The following WWTR1 variants were observed in gnomAD, a reference collection of about 807,000 sequenced individuals.
WWTR1 encodes WW domain-containing transcription regulator protein 1.
WWTR1 carries 13 observed loss-of-function variants against 40.1 expected under a neutral mutation model. The ratio of observed to expected loss-of-function variants is 0.32; its 90% CI spans 0.21 to 0.52. WWTR1 has a LOEUF of 0.52. WWTR1 is among the 20% of genes least tolerant of loss of function. WWTR1 has a pLI of 0.97. For missense variants in WWTR1, 436 were observed against 523.1 expected (o/e 0.83, Z 1.63); for synonymous variants, 230 against 210.1 (o/e 1.09, Z -0.82).
At chr3:149,600,256 C>A (rs1739184073) in intron 2 of WWTR1, among the ~76,000 whole-genome samples, 1 of 152,154 alleles carries the variant, frequency 6.6e-6, no homozygotes, top group African/African-American at 2.4e-5. Context: ...ATAATCTCTT[C>A]AAGTAATGCC....
chr3:149,651,698 A>G (rs1712874670), intron 2 of WWTR1, among the ~76,000 whole-genome samples: 3 of 152,308 alleles, frequency 2.0e-5, no homozygotes, highest in South Asian at 4.1e-4. Flanking sequence ...GGGGCTAGAT[A>G]TCTCATCCTT....
At chr3:149,654,402 C>G (rs1456978793) in intron 2 of WWTR1, among the ~76,000 whole-genome samples, 2 of 152,224 alleles carry the variant, frequency 1.3e-5, no homozygotes, top group Non-Finnish European at 2.9e-5. Context: ...TTCTTAACCT[C>G]TCTTAGTCAC....
At chr3:149,533,735 A>G (rs1211114808) in intron 4 of WWTR1, among the ~76,000 whole-genome samples, 1 of 152,146 alleles carries the variant, frequency 6.6e-6, no homozygotes, top group African/African-American at 2.4e-5. Flanking sequence ...TAAATTCTTA[A>G]CCTTTCTTGA....
intron 2 of WWTR1, among the ~76,000 whole-genome samples, chr3:149,602,158 C>T (rs1418000085): frequency 6.6e-6 from 1 of 152,090 alleles, no homozygotes; most frequent in Non-Finnish European, 1.5e-5. Context: ...AATAAATTTT[C>T]CCCCACAGGA....
At chr3:149,597,376 G>A (rs1216890472) in intron 2 of WWTR1, among the ~76,000 whole-genome samples, 7 of 139,966 alleles carry the variant, frequency 5.0e-5, no homozygotes, top group African/African-American at 1.9e-4. Flanking sequence ...ATGGGTGATA[G>A]ATTGAGCCTA....
At chr3:149,531,567 C>T (rs932199374) in intron 4 of WWTR1, among the ~76,000 whole-genome samples, 1 of 152,000 alleles carries the variant, frequency 6.6e-6, no homozygotes, top group Non-Finnish European at 1.5e-5. Context: ...CCTCCTGCAC[C>T]TGCGCCAACT....
rs377416206 is a variant in WWTR1 at position 149,520,797 on chromosome 3, G to A, written c.*8C>T. The A allele has an allele frequency of 1.9e-6, 3 of 1,565,582 alleles. No individual in the cohort carries two copies. Among genetic ancestry groups the A allele is most frequent in the South Asian group, 1.2e-5 (1 of 82,244 alleles). ...GTCATGGCTACATCCAAGTTACAAT[G>A]GTAGTGATTACAGCCAGGTTAGAAA... On this transcript the variant is annotated 3_prime_UTR_variant, in exon 7 of 7. Coordinates refer to ENST00000360632, the MANE Select transcript of WWTR1 (RefSeq NM_015472.6).
rs1014152702 is a variant in WWTR1, at chr3:149,520,689, C to G, written c.*116G>C. The G allele has an allele frequency of 3.3e-4, 317 of 949,290 alleles. 3 individuals carry two copies. Among genetic ancestry groups the G allele is most frequent in the Admixed American group, 1.5e-4 (5 of 32,330 alleles). 58.8% of individuals were successfully genotyped at this position (949,290 alleles called of 1,614,324 possible). A position where few individuals can be genotyped will look rare whatever the true frequency, so the allele number is the denominator to read the frequency against. On this transcript the variant is annotated 3_prime_UTR_variant, in exon 7 of 7. Coordinates refer to ENST00000360632, the MANE Select transcript of WWTR1 (RefSeq NM_015472.6). Reference sequence around the variant, plus strand: ...AACTGGCAACATAAAAAGGAGGGAGCACGAGTCATGGAGGCGGGAAGTGGT... The same window carrying G: ...AACTGGCAACATAAAAAGGAGGGAGGACGAGTCATGGAGGCGGGAAGTGGT...
chr3:149,592,647 A>C (rs1334027601), intron 2 of WWTR1, among the ~76,000 whole-genome samples: 1 of 152,208 alleles, frequency 6.6e-6, no homozygotes, highest in Non-Finnish European at 1.5e-5. Flanking sequence ...CACACATGTA[A>C]ATTTCCATAT....
chr3:149,532,742 C>A (rs1204860222), intron 4 of WWTR1, among the ~76,000 whole-genome samples: 6 of 152,154 alleles, frequency 3.9e-5, no homozygotes, highest in Non-Finnish European at 8.8e-5. Context: ...AAAATTAAAG[C>A]CCAGACCCAG....
In WWTR1 at chr3:149,719,454, G is replaced by C. The variant is rs535315168; in HGVS notation, n.460-1888C>G. On this transcript the variant is annotated intron_variant and non_coding_transcript_variant, in intron 4 of 6. Coordinates refer to the WWTR1 transcript ENST00000474080. ...CCAAAGTGCTGGGATTACAGGCGTG[G>C]CCACTGTGCCCAGCCTTAAGGCTGA... 2.0e-5 allele frequency among the ~76,000 whole-genome samples: 3 copies of C among 152,224 alleles called. No homozygotes were observed. In the South Asian group the frequency reaches 6.2e-4, roughly 32 times the overall value.
chr3:149,576,809 TATTGTTTTCA>T (rs1324696384), intron 2 of WWTR1, among the ~76,000 whole-genome samples: 1 of 152,184 alleles, frequency 6.6e-6, no homozygotes, highest in African/African-American at 2.4e-5. Flanking sequence ...AGTGATTATG[TATTGTTTTCA>T]CAACCAGTAA....
chr3:149,678,822 ATTTTTT>A (rs57101843), intron 1 of WWTR1, among the ~76,000 whole-genome samples: 4,605 of 135,544 alleles, frequency 0.034, 143 homozygotes, highest in East Asian at 0.13. Context: ...GTTCACAAGT[ATTTTTT>A]TTTTTTTTTT....
At chr3:149,650,763 A>C (rs1381026403) in intron 2 of WWTR1, among the ~76,000 whole-genome samples, 2 of 152,244 alleles carry the variant, frequency 1.3e-5, no homozygotes, top group Admixed American at 1.3e-4. Context: ...TCTGCCCAAA[A>C]TGCTGAAGCA....
rs757376560 is a variant in WWTR1, at chr3:149,527,892, C to A, written c.849G>T (p.Thr283=). ...TGATGGATCTCATGTCTGGGGTCATCGTGGGTGGGTTGACAGCAGCCTGAA... is the reference window on the plus strand; with the variant it reads ...TGATGGATCTCATGTCTGGGGTCATAGTGGGTGGGTTGACAGCAGCCTGAA... ...APVQAAVNPP[T]MTPDMRSITN... Residue 283 remains threonine (T), a synonymous_variant, in exon 5 of 7, where the codon ACG becomes ACT. Transcript: ENST00000360632. The A allele has an allele frequency of 3.1e-6, 5 of 1,614,084 alleles. No homozygotes were observed. In the South Asian group the frequency reaches 3.3e-5, roughly 11 times the overall value.
chr3:149,697,192 C>T (rs1176759203), intron 1 of WWTR1, among the ~76,000 whole-genome samples: 1 of 151,654 alleles, frequency 6.6e-6, no homozygotes, highest in African/African-American at 2.4e-5. Flanking sequence ...ACAAGCATGG[C>T]ACCAACATCT....
At chr3:149,548,893 C>T (rs780752359) in intron 3 of WWTR1, among the ~76,000 whole-genome samples, 5 of 152,116 alleles carry the variant, frequency 3.3e-5, no homozygotes, top group Non-Finnish European at 7.3e-5. Context: ...ATGGGTAAGG[C>T]CTCCCCAAGC....
chr3:149,673,796 C>T (rs543398928), intron 1 of WWTR1, among the ~76,000 whole-genome samples: 3 of 152,252 alleles, frequency 2.0e-5, no homozygotes, highest in East Asian at 1.9e-4. Context: ...GGAGCCAATA[C>T]TTCAAATGGT....
intron 1 of WWTR1, among the ~76,000 whole-genome samples, chr3:149,670,602 C>G (rs909469398): frequency 2.7e-5 from 4 of 146,546 alleles, no homozygotes; most frequent in Admixed American, 2.2e-4. Flanking sequence ...CGAGATCATG[C>G]CACCGCACTC....
Sources: gnomAD v4.1 joint callset for allele counts (sites outside exome capture counted in the v4.1 genomes callset) on GRCh38, gnomAD v4.1.1 for gene constraint, MANE v1.5 for transcripts, NCBI Gene and HGNC (gene_info 2026-07-23, HGNC 2026-07-21) for gene names.